The following CILK1 variants were observed in gnomAD, a reference collection of about 807,000 sequenced individuals.
CILK1 encodes the protein ciliogenesis associated kinase 1, also known as serine/threonine-protein kinase ICK.
A neutral mutation model predicts 79.2 loss-of-function variants in CILK1; 47 were observed. The ratio of observed to expected loss-of-function variants is 0.59; its 90% CI spans 0.47 to 0.76. CILK1 has a LOEUF of 0.76. CILK1 is among the 30% of genes least tolerant of loss of function. The probability of loss-of-function intolerance (pLI) is 0.00; values close to 1 mark genes in which losing one functional copy is unlikely to be tolerated. For synonymous variants in CILK1, 266 were observed against 275.9 expected (o/e 0.96, Z 0.36); for missense variants, 660 against 769.5 (o/e 0.86, Z 1.68).
Position 53,041,273 on chromosome 6 carries a change from C to A in CILK1, c.-37G>T. The A allele has an allele frequency of 6.7e-7, 1 of 1,483,224 alleles. No individual in the cohort carries two copies. The highest frequency in any genetic ancestry group is 9.4e-7 in the Non-Finnish European group (1 of 1,064,174). The allele number at this position is 1,483,224 out of a possible 1,614,324, so 91.9% of individuals were successfully genotyped here. On this transcript the variant is annotated 5_prime_UTR_variant, in exon 2 of 14. Coordinates refer to ENST00000676107, the MANE Select transcript of CILK1 (RefSeq NM_014920.5). ...TCAGGCCGGACACTCATCTCACGGC[C>A]GAAGTGGTTCAGTTCTGCAGTGGTA...
chr6:53,018,266 C>T, intron 7 of CILK1, 64 bp downstream of exon 7: 3 of 1,496,474 alleles, frequency 2.0e-6, no homozygotes, highest in Non-Finnish European at 2.8e-6. Context: ...CTGAACAGGG[C>T]TGAGCGGAGG....
chr6:53,018,599 A>G (rs1765034663), intron 6 of CILK1, 98 bp from the exon 7 acceptor site: 3 of 1,203,240 alleles, frequency 2.5e-6, no homozygotes, highest in Non-Finnish European at 2.4e-6. Flanking sequence ...ATATGTTCCT[A>G]TTTTCTCTCT....
chr6:53,040,014 A>G (rs559171137), intron 2 of CILK1, among the ~76,000 whole-genome samples: 30 of 152,274 alleles, frequency 2.0e-4, no homozygotes, highest in African/African-American at 7.2e-4. Context: ...CAATTATTGA[A>G]ATAGGAAACA....
chr6:53,021,318 T>G (rs983431842), intron 5 of CILK1, among the ~76,000 whole-genome samples: 2 of 149,086 alleles, frequency 1.3e-5, no homozygotes, highest in African/African-American at 5.0e-5. Context: ...AAGCAAGACT[T>G]CGTTTTGGAG....
chr6:53,028,728 G>A (rs930387217), intron 5 of CILK1, among the ~76,000 whole-genome samples: 2 of 152,178 alleles, frequency 1.3e-5, no homozygotes, highest in Non-Finnish European at 2.9e-5. Flanking sequence ...TGTGGTCTGA[G>A]TGTCTAGTGC....
At chr6:53,018,816 A>AAGGAAG (rs1765047038) in intron 6 of CILK1, among the ~76,000 whole-genome samples, 1 of 152,226 alleles carries the variant, frequency 6.6e-6, no homozygotes, top group Admixed American at 6.5e-5. Flanking sequence ...CTAAGAGAGA[A>AAGGAAG]AGGAAGAGGG....
At chr6:53,019,832 GT>G (rs11308649) in intron 5 of CILK1, among the ~76,000 whole-genome samples, 38,728 of 139,986 alleles carry the variant, frequency 0.28, 5,279 homozygotes, top group African/African-American at 0.36. Flanking sequence ...TAGTTTTTTT[GT>G]TTTTTTTTTT....
chr6:53,026,279 C>G (rs150184541), intron 5 of CILK1, among the ~76,000 whole-genome samples: 2,332 of 152,232 alleles, frequency 0.015, 40 homozygotes, highest in East Asian at 0.061. Flanking sequence ...ATTCTCCTGC[C>G]TTAGCCTCCC....
intron 1 of CILK1, among the ~76,000 whole-genome samples, chr6:53,046,564 G>A (rs781525195): frequency 6.6e-6 from 1 of 152,126 alleles, no homozygotes; most frequent in East Asian, 1.9e-4. Context: ...TAATTACTGT[G>A]GCAAGATATG....
At chr6:53,030,832 A>C (rs1241901476) in intron 5 of CILK1, among the ~76,000 whole-genome samples, 1 of 152,250 alleles carries the variant, frequency 6.6e-6, no homozygotes, top group Non-Finnish European at 1.5e-5. Flanking sequence ...ATCTATAACC[A>C]ACAAGCTTAA....
chr6:53,017,451 A>G (rs774612443), intron 7 of CILK1, among the ~76,000 whole-genome samples: 20 of 152,358 alleles, frequency 1.3e-4, no homozygotes, highest in Admixed American at 8.5e-4. Flanking sequence ...TGTGCAGAGC[A>G]CAGAAGCAGG....
chr6:53,049,161 T>C (rs1767307799), intron 1 of CILK1, among the ~76,000 whole-genome samples: 1 of 152,210 alleles, frequency 6.6e-6, no homozygotes, highest in Admixed American at 6.5e-5. Context: ...TACAACCTAA[T>C]TGAAGGTCTC....
Position 53,018,218 on chromosome 6 carries a change from A to G in CILK1, c.663+112T>C. On this transcript the variant is annotated intron_variant, in intron 7 of 13. Transcript: ENST00000676107. ...GTGGAGAATGACTGAGGTCAAGAGA[A>G]AGAGCCTAGAATGGGCAGGTGCTCA... is the stretch of plus-strand genomic sequence containing the variant. 3 of 1,029,838 alleles carry G rather than the reference A, an allele frequency of 2.9e-6. No homozygotes were observed. The South Asian group carries it at 3.9e-5, about 13-fold the overall frequency. 63.8% of individuals were successfully genotyped at this position (1,029,838 alleles called of 1,614,324 possible). A position where few individuals can be genotyped will look rare whatever the true frequency, so the allele number is the denominator to read the frequency against.
intron 2 of CILK1, among the ~76,000 whole-genome samples, chr6:53,038,576 G>A (rs1329391935): frequency 6.6e-6 from 1 of 152,162 alleles, no homozygotes; most frequent in Non-Finnish European, 1.5e-5. Context: ...TACAGCCCAC[G>A]AGCTAAGAAT....
intron 7 of CILK1, among the ~76,000 whole-genome samples, chr6:53,017,486 A>T (rs566023109): frequency 6.6e-6 from 1 of 152,288 alleles, no homozygotes; most frequent in South Asian, 2.1e-4. Context: ...TGCAGCTGTT[A>T]GGTGTATAGG....
chr6:53,030,639 A>ATAC (rs1407812008), intron 5 of CILK1, among the ~76,000 whole-genome samples: 1 of 152,154 alleles, frequency 6.6e-6, no homozygotes, highest in African/African-American at 2.4e-5. Context: ...CCTGTGTCGC[A>ATAC]TACATTTTGT....
At chr6:53,060,709 A>T (rs1312290289) in intron 1 of CILK1, among the ~76,000 whole-genome samples, 1 of 152,354 alleles carries the variant, frequency 6.6e-6, no homozygotes, top group African/African-American at 2.4e-5. Flanking sequence ...CAAATGATTG[A>T]GACACAAATT....
intron 1 of CILK1, among the ~76,000 whole-genome samples, chr6:53,042,219 T>G (rs1429647866): frequency 6.6e-6 from 1 of 152,224 alleles, no homozygotes; most frequent in African/African-American, 2.4e-5. Context: ...TCTAATTTCT[T>G]ATACAACTAG....
intron 1 of CILK1, among the ~76,000 whole-genome samples, chr6:53,042,170 T>C (rs1009038967): frequency 6.6e-6 from 1 of 152,246 alleles, no homozygotes; most frequent in East Asian, 1.9e-4. Context: ...TGTTGCCCTT[T>C]ACACCGTTCA....
Sources: allele counts gnomAD v4.1 joint callset (sites outside exome capture counted in the v4.1 genomes callset), GRCh38; gene constraint gnomAD v4.1.1; transcripts MANE v1.5; gene names NCBI Gene and HGNC (gene_info 2026-07-23, HGNC 2026-07-21).